CHN1: variants seen among roughly 807,000 people sequenced by gnomAD.
CHN1 encodes the protein chimerin 1.
Under a neutral mutation model 59.5 loss-of-function variants are expected in CHN1, and 37 were observed. The observed-to-expected ratio is 0.62, with a 90% confidence interval of 0.48 to 0.82. CHN1 has a LOEUF of 0.82. CHN1 is among the 40% of genes least tolerant of loss of function. The pLI, the probability that CHN1 is intolerant of heterozygous loss-of-function variation, is 0.00. For missense variants in CHN1, 469 were observed against 571.0 expected, an observed-to-expected ratio of 0.82 and a Z score of 1.82; for synonymous variants, 206 against 200.4, an observed-to-expected ratio of 1.03 and a Z score of -0.24.
chr2:174,939,581 C>G (rs1473014171), intron 3 of CHN1, among the ~76,000 whole-genome samples: 1 of 152,126 alleles, frequency 6.6e-6, no homozygotes, highest in Non-Finnish European at 1.5e-5. Context: ...AATAGTCTTA[C>G]TAATAAATAC....
rs564590085 is a variant in CHN1, at chr2:174,971,385, T to C, written c.20-19183A>G. ...AACATGTAAGGAGTTTATTTTTTAA[T>C]TGATAATTTTTAAAAACTTCTCAAT... On this transcript the variant is annotated intron_variant, in intron 1 of 12. Transcript: ENST00000409900. Among the ~76,000 whole-genome samples, 18 of 152,362 alleles carry C rather than the reference T, an allele frequency of 1.2e-4. No homozygotes were observed. In the South Asian group the frequency reaches 2.5e-3, roughly 21 times the overall value.
intron 6 of CHN1, among the ~76,000 whole-genome samples, chr2:174,869,954 A>T (rs1687353035): frequency 1.3e-5 from 2 of 152,158 alleles, no homozygotes; most frequent in Non-Finnish European, 2.9e-5. Context: ...TTTGGAGGGA[A>T]ATTTTACAGT....
intron 1 of CHN1, among the ~76,000 whole-genome samples, chr2:174,993,607 G>A (rs1301626899): frequency 6.7e-6 from 1 of 149,672 alleles, no homozygotes; most frequent in Admixed American, 6.7e-5. Flanking sequence ...GTGCTTGAGA[G>A]GGTACCAAAA....
intron 5 of CHN1, among the ~76,000 whole-genome samples, chr2:174,904,000 T>C (rs1164147484): frequency 2.0e-5 from 3 of 152,200 alleles, no homozygotes; most frequent in Non-Finnish European, 1.5e-5. Context: ...CGGTGGCTCA[T>C]GCCTGTAATC....
intron 5 of CHN1, among the ~76,000 whole-genome samples, chr2:174,894,476 A>C (rs571508208): frequency 1.3e-5 from 2 of 152,260 alleles, no homozygotes; most frequent in South Asian, 2.1e-4. Context: ...AAAATAACAA[A>C]TGGTGAGGAT....
chr2:174,799,685 T>G lies in CHN1; in HGVS notation c.*431A>C, dbSNP rs1404239187. On this transcript the variant is annotated 3_prime_UTR_variant, in exon 13 of 13. Coordinates refer to ENST00000409900, the MANE Select transcript of CHN1 (RefSeq NM_001822.7). ...AGCCAGAGGTGCTGTTTTATCCATT[T>G]GTGTGTGCGTGTTTGTACAAGCATC... 2 of 533,878 alleles carry G rather than the reference T, an allele frequency of 3.7e-6. No homozygotes were observed. The highest frequency in any genetic ancestry group is 7.2e-6 in the Non-Finnish European group (2 of 276,212). The allele number at this position is 533,878 out of a possible 1,614,324, so 33.1% of individuals were successfully genotyped here.
chr2:174,935,383 C>T (rs191057114), intron 3 of CHN1, among the ~76,000 whole-genome samples: 106 of 152,330 alleles, frequency 7.0e-4, no homozygotes, highest in Non-Finnish European at 1.3e-3. Flanking sequence ...AGAACCAGAG[C>T]ATCTCTAACA....
At chr2:174,817,660 C>T (rs192631289) in intron 8 of CHN1, among the ~76,000 whole-genome samples, 3,599 of 141,962 alleles carry the variant, frequency 0.025, 174 homozygotes, top group African/African-American at 0.09. Flanking sequence ...TTTTTTGAGA[C>T]GGAGTCTCGC....
intron 8 of CHN1, among the ~76,000 whole-genome samples, chr2:174,823,909 A>G (rs998688614): frequency 6.6e-6 from 1 of 152,210 alleles, no homozygotes; most frequent in African/African-American, 2.4e-5. Context: ...TCACACAGAA[A>G]ATATTAGTGA....
At chr2:174,998,690 T>C (rs35557861) in intron 1 of CHN1, among the ~76,000 whole-genome samples, 49,259 of 152,100 alleles carry the variant, frequency 0.32, 9,355 homozygotes, top group Admixed American at 0.46. Flanking sequence ...ACTGTGGGTA[T>C]TGGCTCTTTC....
chr2:174,952,065 C>T, intron 2 of CHN1, 99 bp downstream of exon 2: 1 of 738,104 alleles, frequency 1.4e-6, no homozygotes, highest in Non-Finnish European at 2.0e-6. Context: ...AATTTTTCAA[C>T]AATGGGTACA....
chr2:175,005,266 C>T lies in CHN1; in HGVS notation c.-354G>A, dbSNP rs1574266256. ...TGGCGGAGAGGCGGCGCCGCACTGG[C>T]GGCGGCGGCGGCGGCGACGGGGAGA... is the stretch of plus-strand genomic sequence containing the variant. On this transcript the variant is annotated 5_prime_UTR_variant, in exon 1 of 13. Coordinates refer to ENST00000409900, the MANE Select transcript of CHN1 (RefSeq NM_001822.7). 3 of 1,126,920 alleles carry T rather than the reference C, an allele frequency of 2.7e-6. No homozygotes were observed. The highest frequency in any genetic ancestry group is 1.7e-5 in the African/African-American group (1 of 59,778). The allele number at this position is 1,126,920 out of a possible 1,614,324, so 69.8% of individuals were successfully genotyped here.
At chr2:175,004,016 G>A (rs144986684) in intron 1 of CHN1, among the ~76,000 whole-genome samples, 2 of 152,144 alleles carry the variant, frequency 1.3e-5, no homozygotes, top group East Asian at 3.8e-4. Flanking sequence ...AACTTACTTA[G>A]GCTGTTCTCG....
In CHN1 at chr2:174,934,839, T is replaced by C. The variant is rs547346134; in HGVS notation, c.114+10049A>G. On this transcript the variant is annotated intron_variant, in intron 3 of 12. Coordinates refer to ENST00000409900, the MANE Select transcript of CHN1 (RefSeq NM_001822.7). ...TCTTGTCAGCAAGTCCTGAGAATTC[T>C]ACTGCTTTAAATATTCCCCTTTCCT... Among the ~76,000 whole-genome samples the C allele has an allele frequency of 3.0e-4, 45 of 152,342 alleles. 1 individual carries two copies. Among genetic ancestry groups the C allele is most frequent in the African/African-American group, 9.9e-4 (41 of 41,584 alleles).
chr2:174,964,039 A>AT (rs1315629877), intron 1 of CHN1, among the ~76,000 whole-genome samples: 1 of 152,152 alleles, frequency 6.6e-6, no homozygotes, highest in Non-Finnish European at 1.5e-5. Flanking sequence ...TTGTCAGAGA[A>AT]TTTTTTCATT....
intron 8 of CHN1, among the ~76,000 whole-genome samples, chr2:174,816,491 T>C (rs1424791752): frequency 1.3e-5 from 2 of 152,204 alleles, no homozygotes; most frequent in Non-Finnish European, 2.9e-5. Context: ...GCTGCCCTTT[T>C]CCCACTGCGT....
At chr2:174,894,977 C>G (rs748743668) in intron 5 of CHN1, among the ~76,000 whole-genome samples, 9 of 151,774 alleles carry the variant, frequency 5.9e-5, no homozygotes, top group African/African-American at 9.7e-5. Flanking sequence ...TTTGTATAAG[C>G]TACCCACCTG....
At chr2:174,840,575 G>T (rs1283835349) in intron 7 of CHN1, among the ~76,000 whole-genome samples, 1 of 151,992 alleles carries the variant, frequency 6.6e-6, no homozygotes, top group Non-Finnish European at 1.5e-5. Context: ...ACATATTACT[G>T]TGTCTCCTCC....
intron 1 of CHN1, among the ~76,000 whole-genome samples, chr2:174,973,853 C>T (rs1430221564): frequency 6.6e-6 from 1 of 152,126 alleles, no homozygotes; most frequent in Non-Finnish European, 1.5e-5. Flanking sequence ...AACCTTTTAC[C>T]TTTATTCCTG....
Sources: allele counts gnomAD v4.1 joint callset (sites outside exome capture counted in the v4.1 genomes callset), GRCh38; gene constraint gnomAD v4.1.1; transcripts MANE v1.5; gene names NCBI Gene and HGNC (gene_info 2026-07-23, HGNC 2026-07-21).